Variants in CIMIP6 observed in about 807,000 individuals in gnomAD.
The protein encoded by CIMIP6 is ciliary microtubule inner protein 6.
chr2:54,355,701 T>A, the CIMIP6 span, among the ~76,000 whole-genome samples: 2 of 152,176 alleles, frequency 1.3e-5, no homozygotes, highest in African/African-American at 4.8e-5. Flanking sequence ...ATGATTCTTG[T>A]TGTCTAGACC....
At chr2:54,367,111 A>G in the CIMIP6 span, among the ~76,000 whole-genome samples, 1 of 152,076 alleles carries the variant, frequency 6.6e-6, no homozygotes, top group Non-Finnish European at 1.5e-5. Context: ...TTCCATGACT[A>G]ATCGAGTTAG....
At chr2:54,382,792 T>G in the CIMIP6 span, among the ~76,000 whole-genome samples, 1 of 152,240 alleles carries the variant, frequency 6.6e-6, no homozygotes, top group African/African-American at 2.4e-5. Context: ...AGAAGTGATA[T>G]TCATCATTTC....
chr2:54,363,132 T>C, the CIMIP6 span, among the ~76,000 whole-genome samples: 4 of 152,228 alleles, frequency 2.6e-5, no homozygotes, highest in Non-Finnish European at 5.9e-5. Flanking sequence ...CTTTTGTTTG[T>C]TGAGTGTGAA....
At chr2:54,371,044 C>T in the CIMIP6 span, among the ~76,000 whole-genome samples, 8 of 152,308 alleles carry the variant, frequency 5.3e-5, no homozygotes, top group East Asian at 1.2e-3. Flanking sequence ...TCCTCAGGGC[C>T]TAGAGGGTGA....
At chr2:54,344,350 A>G in the CIMIP6 span, among the ~76,000 whole-genome samples, 1 of 152,336 alleles carries the variant, frequency 6.6e-6, no homozygotes, top group East Asian at 1.9e-4. Flanking sequence ...ATAGTAGCAA[A>G]GCAATAAACT....
the CIMIP6 span, among the ~76,000 whole-genome samples, chr2:54,345,569 T>C: frequency 6.6e-6 from 1 of 152,224 alleles, no homozygotes; most frequent in African/African-American, 2.4e-5. Flanking sequence ...CAGAGTGGCA[T>C]TTTAGAGTAG....
chr2:54,356,094 A>G, the CIMIP6 span, among the ~76,000 whole-genome samples: 1 of 150,942 alleles, frequency 6.6e-6, no homozygotes, highest in African/African-American at 2.4e-5. Context: ...CTGTCACTCT[A>G]CTAGGCTGGT....
At chr2:54,378,048 T>C in the CIMIP6 span, among the ~76,000 whole-genome samples, 1 of 152,216 alleles carries the variant, frequency 6.6e-6, no homozygotes, top group Non-Finnish European at 1.5e-5. Context: ...TGGTGGGAGC[T>C]ATTTAGAGAG....
At chr2:54,369,822 A>C in the CIMIP6 span, among the ~76,000 whole-genome samples, 1 of 152,216 alleles carries the variant, frequency 6.6e-6, no homozygotes, top group East Asian at 1.9e-4. Flanking sequence ...CATGAAGGGC[A>C]TCCCCACTGC....
At chr2:54,334,818 C>G in the CIMIP6 span, 1 of 1,531,618 alleles carries the variant, frequency 6.5e-7, no homozygotes, top group Non-Finnish European at 8.8e-7. Flanking sequence ...GTTTTTCAGA[C>G]AGCATAAAAT....
At chr2:54,365,118 A>G in the CIMIP6 span, among the ~76,000 whole-genome samples, 2,365 of 152,314 alleles carry the variant, frequency 0.016, 71 homozygotes, top group African/African-American at 0.053. Context: ...TGCTGTGAAA[A>G]TAATTCTGGG....
At chr2:54,365,034 G>A in the CIMIP6 span, among the ~76,000 whole-genome samples, 2 of 152,160 alleles carry the variant, frequency 1.3e-5, no homozygotes, top group African/African-American at 4.8e-5. Flanking sequence ...TGCCTGAGCT[G>A]GAATGGGAAT....
chr2:54,382,313 A>G, the CIMIP6 span, among the ~76,000 whole-genome samples: 1 of 152,230 alleles, frequency 6.6e-6, no homozygotes, highest in African/African-American at 2.4e-5. Flanking sequence ...GTGCAGTAAC[A>G]TGTTTACTTA....
At chr2:54,378,142 G>GA in the CIMIP6 span, among the ~76,000 whole-genome samples, 1 of 152,190 alleles carries the variant, frequency 6.6e-6, no homozygotes, top group Non-Finnish European at 1.5e-5. Flanking sequence ...ATCCAGCTGG[G>GA]AAAAACATTG....
At chr2:54,360,468 G>A in the CIMIP6 span, 1 of 1,581,134 alleles carries the variant, frequency 6.3e-7, no homozygotes, top group Non-Finnish European at 8.6e-7. Context: ...CCTGAGAGCA[G>A]AGAAAAGACC....
At chr2:54,349,564 T>C in the CIMIP6 span, among the ~76,000 whole-genome samples, 4 of 152,228 alleles carry the variant, frequency 2.6e-5, no homozygotes, top group African/African-American at 7.2e-5. Flanking sequence ...CTTTGCCTTA[T>C]TTTTTGCAGT....
the CIMIP6 span, chr2:54,360,188 T>A: frequency 6.5e-7 from 1 of 1,536,702 alleles, no homozygotes; most frequent in South Asian, 1.3e-5. Flanking sequence ...ATGTCGACTT[T>A]GTTTTCTTTT....
At chr2:54,331,244 C>T in the CIMIP6 span, among the ~76,000 whole-genome samples, 2 of 152,160 alleles carry the variant, frequency 1.3e-5, no homozygotes, top group Non-Finnish European at 1.5e-5. Flanking sequence ...GTCATCCACT[C>T]CTTCTCACAA....
chr2:54,354,053 C>T, the CIMIP6 span, among the ~76,000 whole-genome samples: 1 of 152,078 alleles, frequency 6.6e-6, no homozygotes, highest in East Asian at 1.9e-4. Flanking sequence ...GGAATCAATT[C>T]CACTTTCCAG....
Sources: allele counts gnomAD v4.1 joint callset (sites outside exome capture counted in the v4.1 genomes callset), GRCh38; gene constraint gnomAD v4.1.1; transcripts MANE v1.5; gene names NCBI Gene and HGNC (gene_info 2026-07-23, HGNC 2026-07-21).